Variants in PCDH9 observed in about 807,000 individuals in gnomAD.
PCDH9 encodes the protein protocadherin-9.
In PCDH9, 24 loss-of-function variants were observed where a neutral mutation model predicts 70.6. The observed-to-expected ratio is 0.34, with a 90% confidence interval of 0.25 to 0.48. The LOEUF is 0.48. PCDH9 is among the 20% of genes least tolerant of loss of function. PCDH9 has a pLI of 0.99. For synonymous variants in PCDH9, 562 were observed against 558.5 expected (o/e 1.01, Z -0.09); for missense variants, 1,281 against 1,503.6 (o/e 0.85, Z 2.45).
chr13:66,441,018 C>T (rs1371146733), intron 4 of PCDH9, among the ~76,000 whole-genome samples: 1 of 152,178 alleles, frequency 6.6e-6, no homozygotes, highest in Non-Finnish European at 1.5e-5. Flanking sequence ...ATCGTTCTGT[C>T]TTTATTGAAT....
rs553879782 is a variant in PCDH9 at position 67,124,873 on chromosome 13, AC to A, written c.3036+100531del. Among the ~76,000 whole-genome samples, 591 of 152,252 alleles carry A rather than the reference AC, an allele frequency of 3.9e-3. 6 individuals are homozygous for A. The highest frequency in any genetic ancestry group is 0.014 in the African/African-American group (568 of 41,558). On this transcript the variant is annotated intron_variant, in intron 2 of 4. Transcript: ENST00000377865. ...GATTTTACATCTCCCCCTAACACTTACCCATGGTTACTGCTGTCTAGAGTAG... is the reference window on the plus strand; with the variant it reads ...GATTTTACATCTCCCCCTAACACTTACCATGGTTACTGCTGTCTAGAGTAG...
At chr13:66,453,779 T>C (rs1222363771) in intron 4 of PCDH9, among the ~76,000 whole-genome samples, 1 of 152,114 alleles carries the variant, frequency 6.6e-6, no homozygotes, top group African/African-American at 2.4e-5. Flanking sequence ...GCCAAAGCTG[T>C]TTTGCAAAAA....
At chr13:66,669,263 T>C (rs1242255789) in intron 3 of PCDH9, among the ~76,000 whole-genome samples, 2 of 152,194 alleles carry the variant, frequency 1.3e-5, no homozygotes, top group Non-Finnish European at 2.9e-5. Flanking sequence ...ATATCTATTT[T>C]GTTCTTTAAA....
chr13:66,552,156 T>C (rs1054106457), intron 4 of PCDH9, among the ~76,000 whole-genome samples: 6 of 152,116 alleles, frequency 3.9e-5, no homozygotes, highest in Non-Finnish European at 7.4e-5. Context: ...ATCTCTACTC[T>C]TACATAGTCT....
At chr13:66,946,529 T>C (rs1200758779) in intron 2 of PCDH9, among the ~76,000 whole-genome samples, 1 of 152,062 alleles carries the variant, frequency 6.6e-6, no homozygotes, top group East Asian at 1.9e-4. Context: ...ATTTTTATAG[T>C]ATATACAAAA....
chr13:67,214,846 G>A (rs2089552554), intron 2 of PCDH9: 1 of 148,126 alleles, frequency 6.8e-6, no homozygotes, highest in African/African-American at 2.5e-5. Context: ...AAATGAATGT[G>A]CAAACATCTG....
At chr13:66,407,123 T>A (rs1957293027) in intron 4 of PCDH9, among the ~76,000 whole-genome samples, 1 of 152,170 alleles carries the variant, frequency 6.6e-6, no homozygotes, top group African/African-American at 2.4e-5. Context: ...ACTGGAGCAA[T>A]GTCCTACTAC....
intron 4 of PCDH9, among the ~76,000 whole-genome samples, chr13:66,621,946 A>G (rs2077426593): frequency 6.6e-6 from 1 of 152,158 alleles, no homozygotes. Context: ...GGAGGTGTGG[A>G]GGAAGAAGCG....
intron 3 of PCDH9, among the ~76,000 whole-genome samples, chr13:66,817,937 T>A (rs1489771514): frequency 6.6e-6 from 1 of 152,196 alleles, no homozygotes; most frequent in Non-Finnish European, 1.5e-5. Flanking sequence ...CTGATTTTTA[T>A]TTTTATATAG....
chr13:66,891,646 A>G lies in PCDH9; in HGVS notation c.3138+11858T>C, dbSNP rs2082097804. Among the ~76,000 whole-genome samples the G allele has an allele frequency of 3.3e-5, 5 of 152,132 alleles. No individual in the cohort carries two copies. The South Asian group carries it at 1.0e-3, about 31-fold the overall frequency. ...AATATGGAAATAATTATACAGCAAT[A>G]GAATAGTATTAGACTATGAGATCAG... On this transcript the variant is annotated intron_variant, in intron 3 of 4. Transcript: ENST00000377865.
chr13:66,328,826 A>G (rs567903031), intron 4 of PCDH9, among the ~76,000 whole-genome samples: 1 of 152,314 alleles, frequency 6.6e-6, no homozygotes, highest in South Asian at 2.1e-4. Flanking sequence ...AAGAAATATC[A>G]AAGCATATTT....
In PCDH9 at chr13:67,091,933, T is replaced by C. The variant is rs373068033; in HGVS notation, c.3036+133472A>G. 5.3e-5 allele frequency among the ~76,000 whole-genome samples: 8 copies of C among 152,282 alleles called. No homozygotes were observed. In the South Asian group the frequency reaches 1.2e-3, roughly 24 times the overall value. ...ATTTATTATTTACTAAGGTTCATGC[T>C]TTTTCAAATTGTTTTATAATTATCA... On this transcript the variant is annotated intron_variant, in intron 2 of 4. Coordinates refer to ENST00000377865, the MANE Select transcript of PCDH9 (RefSeq NM_203487.3).
intron 2 of PCDH9, among the ~76,000 whole-genome samples, chr13:66,959,405 T>G (rs977840289): frequency 6.6e-6 from 1 of 152,132 alleles, no homozygotes; most frequent in African/African-American, 2.4e-5. Flanking sequence ...CTGAAAATAT[T>G]TGGCCAATTG....
chr13:66,835,358 T>G (rs1225694217), intron 3 of PCDH9, among the ~76,000 whole-genome samples: 1 of 152,154 alleles, frequency 6.6e-6, no homozygotes, highest in Admixed American at 6.5e-5. Context: ...GTGGAGCCAG[T>G]CAGATTAGGC....
At chr13:66,884,057 G>C (rs1490384032) in intron 3 of PCDH9, among the ~76,000 whole-genome samples, 3 of 151,518 alleles carry the variant, frequency 2.0e-5, no homozygotes, top group Non-Finnish European at 4.4e-5. Context: ...CACACACCCT[G>C]CCCAGTTAAT....
At chr13:66,829,392 G>A (rs2080883521) in intron 3 of PCDH9, among the ~76,000 whole-genome samples, 1 of 151,994 alleles carries the variant, frequency 6.6e-6, no homozygotes, top group South Asian at 2.1e-4. Flanking sequence ...TATATAGTTG[G>A]AAAAGGCAAA....
chr13:66,791,030 C>G (rs1442603188), intron 3 of PCDH9, among the ~76,000 whole-genome samples: 1 of 152,092 alleles, frequency 6.6e-6, no homozygotes, highest in African/African-American at 2.4e-5. Flanking sequence ...TTCTCTAGCT[C>G]TAAGCCTTTA....
intron 4 of PCDH9, among the ~76,000 whole-genome samples, chr13:66,540,209 T>C (rs992050727): frequency 1.3e-5 from 2 of 152,006 alleles, no homozygotes; most frequent in Non-Finnish European, 2.9e-5. Context: ...TCCTAAATAA[T>C]CTTCTAAATA....
At chr13:67,025,700 TGC>T (rs2084766054) in intron 2 of PCDH9, among the ~76,000 whole-genome samples, 2 of 152,104 alleles carry the variant, frequency 1.3e-5, no homozygotes, top group South Asian at 4.2e-4. Flanking sequence ...AGTAAATTTT[TGC>T]CAGTGTTGGG....
Sources: allele counts gnomAD v4.1 joint callset (sites outside exome capture counted in the v4.1 genomes callset), GRCh38; gene constraint gnomAD v4.1.1; transcripts MANE v1.5; gene names NCBI Gene and HGNC (gene_info 2026-07-23, HGNC 2026-07-21).